Variants in CNPY2 observed in about 807,000 individuals in gnomAD.
The protein encoded by CNPY2 is protein canopy homolog 2.
CNPY2 carries 19 observed loss-of-function variants against 25.5 expected under a neutral mutation model. The observed-to-expected ratio is 0.74, with a 90% CI of 0.52 to 1.09. The LOEUF (loss-of-function observed/expected upper bound fraction) is 1.09, where lower values mean the gene tolerates loss of function less well. Ranked by LOEUF, CNPY2 falls within the 50% of genes least tolerant of loss-of-function variation. CNPY2 has a pLI of 0.00. For synonymous variants in CNPY2, 82 were observed against 85.0 expected, an observed-to-expected ratio of 0.96 and a Z score of 0.19; for missense variants, 214 against 233.6, an observed-to-expected ratio of 0.92 and a Z score of 0.55.
At chr12:56,312,492 G>C (rs1873750148) in intron 3 of CNPY2, 1 of 151,938 alleles carries the variant, frequency 6.6e-6, no homozygotes, top group Admixed American at 6.6e-5. Context: ...AGAGTGCTGG[G>C]ATTACAGGTA....
rs765486073 is a variant in CNPY2, at chr12:56,311,243, C to T, written c.376G>A (p.Asp126Asn). 19 of 1,614,000 alleles carry T rather than the reference C, an allele frequency of 1.2e-5. No homozygotes were observed. The highest frequency in any genetic ancestry group is 9.3e-5 in the African/African-American group (7 of 74,910). ...SELDLQGIRI[D>N]SDISGTLKFA... Reference sequence around the variant, plus strand: ...TTGAGGGTGCCGCTAATATCTGAGTCGATTCGGATGCCTTGTAGGTCCAGT... The same window carrying T: ...TTGAGGGTGCCGCTAATATCTGAGTTGATTCGGATGCCTTGTAGGTCCAGT... Residue 126 changes from aspartate (D) to asparagine (N), a missense_variant, in exon 4 of 6, where the codon GAC becomes AAC. Physicochemically the swap from Asp to Asn is conservative, Grantham distance 23. Coordinates refer to ENST00000273308, the MANE Select transcript of CNPY2 (RefSeq NM_014255.7).
chr12:56,315,302 C>G, intron 1 of CNPY2, 60 bp from the exon 2 acceptor site: 1 of 986,146 alleles, frequency 1.0e-6, no homozygotes, highest in Non-Finnish European at 1.5e-6. Context: ...TTCCCTGACC[C>G]CCCCAATCCT....
At chr12:56,314,606 A>G in intron 3 of CNPY2, 5 of 1,373,686 alleles carry the variant, frequency 3.6e-6, no homozygotes, top group Non-Finnish European at 4.7e-6. Flanking sequence ...GGATGTGGAG[A>G]AGGGTGCTGA....
intron 1 of CNPY2, 25 bp from the exon 2 acceptor site, chr12:56,315,267 T>G: frequency 6.9e-7 from 1 of 1,445,592 alleles, no homozygotes; most frequent in Non-Finnish European, 9.7e-7. Flanking sequence ...GAATAAAACA[T>G]AAGTGTGAGG....
Position 56,310,606 on chromosome 12 carries a change from C to A in CNPY2, c.506-11G>T. On this transcript the variant is annotated splice_polypyrimidine_tract_variant and intron_variant, in intron 5 of 5. Coordinates refer to ENST00000273308, the MANE Select transcript of CNPY2 (RefSeq NM_014255.7). ...CATGGTCACAAAGATCTGCAAATGG[C>A]AAACAATTTAAAGGAATATGCCATT... The A allele has an allele frequency of 1.9e-6, 3 of 1,614,120 alleles. No individual in the cohort carries two copies. The highest frequency in any genetic ancestry group is 2.5e-6 in the Non-Finnish European group (3 of 1,179,988).
Sources: gnomAD v4.1 joint callset for allele counts on GRCh38, gnomAD v4.1.1 for gene constraint, MANE v1.5 for transcripts, NCBI Gene and HGNC (gene_info 2026-07-23, HGNC 2026-07-21) for gene names.